The following CNNM2 variants were observed in gnomAD, a reference collection of about 807,000 sequenced individuals.
CNNM2 encodes cyclin and CBS domain divalent metal cation transport mediator 2.
Under a neutral mutation model 66.9 loss-of-function variants are expected in CNNM2, and 12 were observed. The ratio of observed to expected loss-of-function variants is 0.18; its 90% CI spans 0.11 to 0.29. The LOEUF (loss-of-function observed/expected upper bound fraction) is 0.29, where lower values mean the gene tolerates loss of function less well. Ranked by LOEUF, CNNM2 falls within the 10% of genes least tolerant of loss-of-function variation. CNNM2 has a pLI of 1.00. For synonymous variants in CNNM2, 557 were observed against 501.8 expected, an observed-to-expected ratio of 1.11 and a Z score of -1.47; for missense variants, 705 against 1,167.7, an observed-to-expected ratio of 0.60 and a Z score of 5.77.
intron 1 of CNNM2, among the ~76,000 whole-genome samples, chr10:102,988,267 C>T (rs952234446): frequency 2.0e-5 from 3 of 152,032 alleles, no homozygotes; most frequent in African/African-American, 7.2e-5. Flanking sequence ...GCACCTAGTG[C>T]ATTCCAGCCT....
chr10:102,968,591 C>T (rs2063501419), intron 1 of CNNM2, among the ~76,000 whole-genome samples: 1 of 151,610 alleles, frequency 6.6e-6, no homozygotes, highest in South Asian at 2.1e-4. Context: ...TATAACCATG[C>T]TACTGGGAGT....
At chr10:102,983,212 T>A (rs997058826) in intron 1 of CNNM2, among the ~76,000 whole-genome samples, 3 of 151,510 alleles carry the variant, frequency 2.0e-5, no homozygotes, top group African/African-American at 7.3e-5. Context: ...GACAAGTTTT[T>A]TTGTGTTTTG....
intron 6 of CNNM2, among the ~76,000 whole-genome samples, chr10:103,073,366 C>T (rs2065627245): frequency 1.3e-5 from 2 of 152,190 alleles, no homozygotes; most frequent in Admixed American, 6.5e-5. Context: ...TTTTTATAGC[C>T]TTCAAATGTT....
At chr10:103,029,045 C>T (rs1345568515) in intron 1 of CNNM2, among the ~76,000 whole-genome samples, 1 of 151,644 alleles carries the variant, frequency 6.6e-6, no homozygotes, top group Non-Finnish European at 1.5e-5. Context: ...TGGTTTTGAA[C>T]CCCTGACCTC....
Position 103,085,428 on chromosome 10 carries a change from T to G in CNNM2, c.*8248T>G, listed in dbSNP as rs2065796133. On this transcript the variant is annotated 3_prime_UTR_variant, in exon 8 of 8. Transcript: ENST00000369878. ...TTGGCAAATCTTCTTTCCAAGTATC[T>G]CAAGAACTTGTGAGACGTGGAAGGA... The G allele has an allele frequency of 6.6e-6, 1 of 152,180 alleles. No individual in the cohort carries two copies. The highest frequency in any genetic ancestry group is 1.5e-5 in the Non-Finnish European group (1 of 68,032). The allele number at this position is 152,180 out of a possible 1,614,324, so 9.4% of individuals were successfully genotyped here.
chr10:103,008,285 A>T (rs1232277546), intron 1 of CNNM2, among the ~76,000 whole-genome samples: 1 of 152,176 alleles, frequency 6.6e-6, no homozygotes, highest in Non-Finnish European at 1.5e-5. Flanking sequence ...CCAGGGCAAG[A>T]TGAAAATGTG....
intron 1 of CNNM2, among the ~76,000 whole-genome samples, chr10:103,024,204 A>G (rs1200271180): frequency 6.6e-6 from 1 of 152,096 alleles, no homozygotes; most frequent in South Asian, 2.1e-4. Flanking sequence ...TTTTCATGAC[A>G]TTGAGTATTT....
In CNNM2 at chr10:103,036,160, G is replaced by A. The variant is rs142406425; in HGVS notation, c.1622-13547G>A. 1.3e-3 allele frequency among the ~76,000 whole-genome samples: 195 copies of A among 152,150 alleles called. 1 individual carries two copies. Among genetic ancestry groups the A allele is most frequent in the African/African-American group, 4.5e-3 (188 of 41,504 alleles). ...ACACACACACACACTCTTTCATCAAGGGATTTATTATAAGACTCTAGCTTA... is the reference window on the plus strand; with the variant it reads ...ACACACACACACACTCTTTCATCAAAGGATTTATTATAAGACTCTAGCTTA... On this transcript the variant is annotated intron_variant, in intron 1 of 7. Transcript: ENST00000369878.
At chr10:103,048,372 C>T (rs1209838987) in intron 1 of CNNM2, among the ~76,000 whole-genome samples, 2 of 152,024 alleles carry the variant, frequency 1.3e-5, no homozygotes, top group Non-Finnish European at 2.9e-5. Flanking sequence ...CACACCACCA[C>T]ATCCAGCTAG....
intron 1 of CNNM2, among the ~76,000 whole-genome samples, chr10:102,996,642 C>T (rs1050329553): frequency 5.9e-5 from 9 of 152,188 alleles, no homozygotes; most frequent in Non-Finnish European, 1.3e-4. Context: ...TGTGATTGCC[C>T]TACTATATTC....
Position 102,919,731 on chromosome 10 carries a change from G to T in CNNM2, c.1251G>T (p.Met417Ile). ...ATAACCGGGAAAAACTGCTGGAGAT[G>T]CTCCGGGTCACCGATCCCTACAACG... is the stretch of plus-strand genomic sequence containing the variant. ...TVYNREKLLE[M>I]LRVTDPYNDL... is the part of the protein sequence containing the mutation. The change falls in exon 1 of 8, where the codon ATG (methionine) becomes ATT (isoleucine). Residue 417 changes from methionine (M) to isoleucine (I), a missense_variant. Physicochemically the swap from Met to Ile is conservative, Grantham distance 10. Transcript: ENST00000369878. 6.2e-7 allele frequency: 1 copy of T among 1,614,228 alleles called. No homozygotes were observed. The highest frequency in any genetic ancestry group is 8.5e-7 in the Non-Finnish European group (1 of 1,180,030).
intron 1 of CNNM2, among the ~76,000 whole-genome samples, chr10:103,032,203 A>G (rs796375796): frequency 1.4e-4 from 21 of 152,234 alleles, no homozygotes; most frequent in African/African-American, 4.6e-4. Flanking sequence ...TAATCCCAGC[A>G]CTTTGGGAGG....
chr10:102,924,277 T>A lies in CNNM2; in HGVS notation c.1621+4176T>A, dbSNP rs78219706. Among the ~76,000 whole-genome samples, 35 of 152,332 alleles carry A rather than the reference T, an allele frequency of 2.3e-4. 2 individuals are homozygous for A. The East Asian group carries it at 6.6e-3, about 29-fold the overall frequency. On this transcript the variant is annotated intron_variant, in intron 1 of 7. Transcript: ENST00000369878. ...CCTCACAAAAGATTGGGCCACCAAG[T>A]TGTCTATGCTGAGGTGCATTTGAAG...
intron 1 of CNNM2, among the ~76,000 whole-genome samples, chr10:103,016,042 CAGATT>C (rs1160238236): frequency 6.6e-6 from 1 of 152,084 alleles, no homozygotes; most frequent in Non-Finnish European, 1.5e-5. Flanking sequence ...ACTGAATTGT[CAGATT>C]GTCATTTGAG....
intron 5 of CNNM2, among the ~76,000 whole-genome samples, chr10:103,071,098 T>TG (rs2065572316): frequency 6.6e-6 from 1 of 152,224 alleles, no homozygotes; most frequent in Non-Finnish European, 1.5e-5. Flanking sequence ...GTTCGCTGTC[T>TG]GGGGAAAACC....
intron 4 of CNNM2, among the ~76,000 whole-genome samples, chr10:103,058,054 C>A (rs926301148): frequency 2.6e-5 from 4 of 152,146 alleles, no homozygotes; most frequent in Admixed American, 2.0e-4. Flanking sequence ...ATGTGTGACC[C>A]CATGTTTGGG....
At chr10:102,926,954 A>G (rs1235432090) in intron 1 of CNNM2, among the ~76,000 whole-genome samples, 4 of 151,942 alleles carry the variant, frequency 2.6e-5, no homozygotes, top group African/African-American at 9.7e-5. Flanking sequence ...CCTGGGCTCA[A>G]GTGATCTGCC....
At chr10:103,068,819 A>G (rs1477070942) in intron 5 of CNNM2, 97 bp downstream of exon 5, 5 of 961,286 alleles carry the variant, frequency 5.2e-6, no homozygotes, top group Non-Finnish European at 7.7e-6. Context: ...AGCTGACCCC[A>G]TTCACTTCCT....
At chr10:102,944,980 T>TTTTTTG (rs1290737650) in intron 1 of CNNM2, among the ~76,000 whole-genome samples, 14 of 135,598 alleles carry the variant, frequency 1.0e-4, no homozygotes, top group African/African-American at 3.8e-4. Context: ...TTGTTTTTTG[T>TTTTTTG]TTTTTTTTTT....
Sources: allele counts gnomAD v4.1 joint callset (sites outside exome capture counted in the v4.1 genomes callset), GRCh38; gene constraint gnomAD v4.1.1; transcripts MANE v1.5; gene names NCBI Gene and HGNC (gene_info 2026-07-23, HGNC 2026-07-21).